The following ZNF618 variants were observed in gnomAD, a reference collection of about 807,000 sequenced individuals.
ZNF618 encodes neural precursor cell expressed, developmentally down-regulated 10.
In ZNF618, 34 loss-of-function variants were observed where a neutral mutation model predicts 103.0. The observed-to-expected ratio is 0.33, with a 90% CI of 0.25 to 0.44. ZNF618 has a LOEUF of 0.44. ZNF618 is among the 20% of genes least tolerant of loss of function. The pLI, the probability that ZNF618 is intolerant of heterozygous loss-of-function variation, is 1.00. For synonymous variants in ZNF618, 551 were observed against 542.2 expected (o/e 1.02, Z -0.23); for missense variants, 1,059 against 1,295.4 (o/e 0.82, Z 2.80).
chr9:113,878,590 T>C (rs77113630), intron 1 of ZNF618, among the ~76,000 whole-genome samples: 169 of 152,282 alleles, frequency 1.1e-3, no homozygotes, highest in African/African-American at 3.8e-3. Flanking sequence ...TTGTGATAAA[T>C]TAGTATCTAA....
chr9:114,000,557 GTGACCC>G (rs1310274562), intron 4 of ZNF618, among the ~76,000 whole-genome samples: 1 of 148,080 alleles, frequency 6.8e-6, no homozygotes, highest in Non-Finnish European at 1.5e-5. Flanking sequence ...TTCTTCCAGT[GTGACCC>G]AGGAAAACCA....
At chr9:113,914,705 C>T (rs910574663) in intron 1 of ZNF618, among the ~76,000 whole-genome samples, 2 of 152,118 alleles carry the variant, frequency 1.3e-5, no homozygotes, top group African/African-American at 4.8e-5. Flanking sequence ...CTGTTCCAAA[C>T]GGGTGTAACA....
rs896559592 is a variant in ZNF618, at chr9:114,002,614, C to T, written c.512-10C>T. The stretch of plus-strand genomic sequence containing the variant: ...GCCCCACCCCCATCCCTCTCTCTCT[C>T]TCTTTGCAGACACCGAAGCCACCTC... On this transcript the variant is annotated splice_polypyrimidine_tract_variant and intron_variant, in intron 5 of 14. Transcript: ENST00000374126. 20 of 1,609,994 alleles carry T rather than the reference C, an allele frequency of 1.2e-5. No homozygotes were observed. Among genetic ancestry groups the T allele is most frequent in the Non-Finnish European group, 1.5e-5 (18 of 1,179,638 alleles).
intron 1 of ZNF618, among the ~76,000 whole-genome samples, chr9:113,931,250 A>C (rs1403378133): frequency 6.6e-6 from 1 of 152,252 alleles, no homozygotes; most frequent in East Asian, 1.9e-4. Flanking sequence ...TGTACTCAGC[A>C]TAGAGGCATG....
chr9:113,988,734 T>C (rs1284615088), intron 3 of ZNF618, among the ~76,000 whole-genome samples, 154 bp downstream of exon 3: 3 of 152,238 alleles, frequency 2.0e-5, no homozygotes, highest in East Asian at 1.9e-4. Context: ...CTCAGCTTCT[T>C]AGACTTGCCT....
At chr9:113,877,950 G>C (rs562447800) in intron 1 of ZNF618, among the ~76,000 whole-genome samples, 5 of 152,088 alleles carry the variant, frequency 3.3e-5, no homozygotes, top group African/African-American at 1.2e-4. Context: ...TGAATCAATT[G>C]ATGAAGACAA....
intron 12 of ZNF618, chr9:114,035,259 G>A (rs563507190): frequency 3.0e-6 from 3 of 986,016 alleles, no homozygotes; most frequent in East Asian, 1.1e-4. Context: ...CCGTTGGGGG[G>A]CTGGAGAGGG....
At chr9:113,998,974 G>T (rs1349439112) in intron 4 of ZNF618, among the ~76,000 whole-genome samples, 2 of 152,274 alleles carry the variant, frequency 1.3e-5, no homozygotes, top group Non-Finnish European at 2.9e-5. Flanking sequence ...CCCCTGAGGG[G>T]TGTACAGTGT....
chr9:114,054,932 T>TC lies in ZNF618; in HGVS notation c.*4765_*4766insC, dbSNP rs1846368463. Reference sequence around the variant, plus strand: ...GTTTGACATATTCATGCCCCGTCCCTTCCCCCCCCACCCCCCCGCCCACCC... The same window carrying TC: ...GTTTGACATATTCATGCCCCGTCCCTCTCCCCCCCCACCCCCCCGCCCACCC... On this transcript the variant is annotated 3_prime_UTR_variant, in exon 15 of 15. Transcript: ENST00000374126. 8.7e-6 allele frequency: 1 copy of TC among 114,948 alleles called. No homozygotes were observed. The highest frequency in any genetic ancestry group is 3.3e-4 in the East Asian group (1 of 3,018). 7.1% of individuals were successfully genotyped at this position (114,948 alleles called of 1,614,324 possible).
At chr9:113,982,114 A>G (rs1218060281) in intron 2 of ZNF618, among the ~76,000 whole-genome samples, 2 of 152,268 alleles carry the variant, frequency 1.3e-5, no homozygotes, top group African/African-American at 4.8e-5. Flanking sequence ...AAAGCAGAAG[A>G]AAACCAAAGG....
At chr9:114,006,523 C>T (rs79084494) in intron 6 of ZNF618, among the ~76,000 whole-genome samples, 1 of 152,202 alleles carries the variant, frequency 6.6e-6, no homozygotes, top group African/African-American at 2.4e-5. Context: ...GCCTCAGCCT[C>T]AGATGTTGGG....
In ZNF618 at chr9:114,050,326, GTGCGTGTA is replaced by G. The variant is rs981476980; in HGVS notation, c.*162_*169del. ...AAGTGCTTTTTTTATATGTGTGTGT[GTGCGTGTA>G]TGTACACAGCCACACGTGTGTGCAC... On this transcript the variant is annotated 3_prime_UTR_variant, in exon 15 of 15. Transcript: ENST00000374126. 3.7e-5 allele frequency: 30 copies of G among 813,354 alleles called. No individual in the cohort carries two copies. Among genetic ancestry groups the G allele is most frequent in the Non-Finnish European group, 5.2e-5 (28 of 534,918 alleles). The allele number at this position is 813,354 out of a possible 1,614,324, so 50.4% of individuals were successfully genotyped here.
chr9:113,917,691 C>T (rs1207359554), intron 1 of ZNF618, among the ~76,000 whole-genome samples: 1 of 152,132 alleles, frequency 6.6e-6, no homozygotes, highest in East Asian at 1.9e-4. Flanking sequence ...TATACTTCCT[C>T]TCTATCTTCC....
intron 1 of ZNF618, among the ~76,000 whole-genome samples, chr9:113,921,892 T>G (rs1239640972): frequency 6.7e-6 from 1 of 149,620 alleles, no homozygotes; most frequent in Non-Finnish European, 1.5e-5. Context: ...GTAGGGAGGG[T>G]TTTTTTTTCC....
At chr9:114,003,031 T>G (rs2133690538) in intron 6 of ZNF618, among the ~76,000 whole-genome samples, 1 of 152,362 alleles carries the variant, frequency 6.6e-6, no homozygotes, top group Middle Eastern at 3.4e-3. Flanking sequence ...GTGCCCTGGA[T>G]ATGCGGGTCC....
chr9:113,877,501 C>T (rs1828065246), intron 1 of ZNF618, among the ~76,000 whole-genome samples: 1 of 150,954 alleles, frequency 6.6e-6, no homozygotes, highest in South Asian at 2.1e-4. Context: ...AAAATGTTGG[C>T]TTTGGACACA....
At chr9:114,043,670 T>G (rs1323398649) in intron 13 of ZNF618, among the ~76,000 whole-genome samples, 2 of 152,212 alleles carry the variant, frequency 1.3e-5, no homozygotes, top group Non-Finnish European at 2.9e-5. Context: ...CCACCAGCAG[T>G]GTAAAAGTAT....
chr9:114,020,082 T>C (rs1835731), intron 10 of ZNF618, among the ~76,000 whole-genome samples: 91,456 of 152,076 alleles, frequency 0.6, 28,493 homozygotes, highest in East Asian at 0.78. Context: ...TGTTACAACA[T>C]CATGTGTTGA....
chr9:114,028,533 C>T (rs1843714718), intron 10 of ZNF618, 200 bp from the exon 11 acceptor site: 2 of 800,224 alleles, frequency 2.5e-6, no homozygotes, highest in African/African-American at 3.5e-5. Flanking sequence ...CTCCAGATAA[C>T]TAAGCGTGAG....
Sources: gnomAD v4.1 joint callset for allele counts (sites outside exome capture counted in the v4.1 genomes callset) on GRCh38, gnomAD v4.1.1 for gene constraint, MANE v1.5 for transcripts, NCBI Gene and HGNC (gene_info 2026-07-23, HGNC 2026-07-21) for gene names.